Variants in THRB observed in about 807,000 individuals in gnomAD.
THRB encodes nuclear receptor subfamily 1 group A member 2.
Under a neutral mutation model 47.8 loss-of-function variants are expected in THRB, and 12 were observed. The observed-to-expected ratio is 0.25, with a 90% CI of 0.16 to 0.41. The LOEUF (loss-of-function observed/expected upper bound fraction) is 0.41, where lower values mean the gene tolerates loss of function less well. Ranked by LOEUF, THRB falls within the 10% of genes least tolerant of loss-of-function variation. The probability of loss-of-function intolerance (pLI) is 1.00; values close to 1 mark genes in which losing one functional copy is unlikely to be tolerated. For missense variants in THRB, 348 were observed against 589.2 expected (o/e 0.59, Z 4.24); for synonymous variants, 218 against 212.2 (o/e 1.03, Z -0.24).
intron 1 of THRB, among the ~76,000 whole-genome samples, chr3:24,446,169 T>C (rs895200802): frequency 1.3e-5 from 2 of 152,232 alleles, no homozygotes; most frequent in African/African-American, 4.8e-5. Flanking sequence ...CTGGACACAC[T>C]GGTCATGACC....
At chr3:24,438,377 C>T in intron 1 of THRB, among the ~76,000 whole-genome samples, 1 of 152,102 alleles carries the variant, frequency 6.6e-6, no homozygotes, top group East Asian at 1.9e-4. Context: ...AAGAGATGGA[C>T]ACCAACTGAT....
chr3:24,494,401 C>G (rs948485112), intron 1 of THRB: 5 of 152,328 alleles, frequency 3.3e-5, no homozygotes, highest in Non-Finnish European at 7.3e-5. Context: ...CCACTGTCCA[C>G]TCCGTAGCTC....
chr3:24,251,670 A>G (rs1459305490), intron 3 of THRB, among the ~76,000 whole-genome samples: 1 of 151,984 alleles, frequency 6.6e-6, no homozygotes, highest in Non-Finnish European at 1.5e-5. Flanking sequence ...AAAAACTTAA[A>G]CACTGTCAAG....
intron 2 of THRB, among the ~76,000 whole-genome samples, chr3:24,323,942 C>T (rs1165844409): frequency 1.3e-5 from 2 of 152,150 alleles, no homozygotes; most frequent in African/African-American, 2.4e-5. Context: ...ATAAGCAGTA[C>T]TGTTATAAAC....
At chr3:24,262,651 C>G (rs962153688) in intron 3 of THRB, among the ~76,000 whole-genome samples, 1 of 152,170 alleles carries the variant, frequency 6.6e-6, no homozygotes, top group African/African-American at 2.4e-5. Context: ...TATACCAACA[C>G]CTTCTTTAAG....
intron 1 of THRB, among the ~76,000 whole-genome samples, chr3:24,381,793 C>G (rs78016148): frequency 0.047 from 7,082 of 152,014 alleles, 205 homozygotes; most frequent in Middle Eastern, 0.075. Flanking sequence ...TGCTACCCAA[C>G]CCACGAAGTT....
intron 1 of THRB, among the ~76,000 whole-genome samples, chr3:24,425,768 G>GA (rs1560155837): frequency 6.6e-6 from 1 of 151,932 alleles, no homozygotes; most frequent in East Asian, 1.9e-4. Context: ...GAAAGCCCAA[G>GA]TCCTGGCTCT....
At chr3:24,124,256 C>G (rs773316640) in intron 10 of THRB, among the ~76,000 whole-genome samples, 67 of 152,108 alleles carry the variant, frequency 4.4e-4, no homozygotes, top group Non-Finnish European at 5.7e-4. Context: ...TTTGGAATCC[C>G]CTATTTAGCA....
chr3:24,307,140 C>G (rs1022073415), intron 2 of THRB, among the ~76,000 whole-genome samples: 1 of 151,892 alleles, frequency 6.6e-6, no homozygotes, highest in African/African-American at 2.4e-5. Flanking sequence ...CTGATGTTGG[C>G]AAGCAAATTT....
chr3:24,455,654 C>T (rs947920321), intron 1 of THRB, among the ~76,000 whole-genome samples: 12 of 152,218 alleles, frequency 7.9e-5, no homozygotes, highest in Non-Finnish European at 1.5e-4. Flanking sequence ...CCTTGACTAC[C>T]GCCCCTTTCC....
At chr3:24,476,877 C>T (rs1231457159) in intron 1 of THRB, among the ~76,000 whole-genome samples, 1 of 152,120 alleles carries the variant, frequency 6.6e-6, no homozygotes, top group Non-Finnish European at 1.5e-5. Context: ...ACATCTCATT[C>T]AGGAATCTCA....
At chr3:24,242,557 A>G (rs180956958) in intron 3 of THRB, among the ~76,000 whole-genome samples, 1 of 152,242 alleles carries the variant, frequency 6.6e-6, no homozygotes, top group African/African-American at 2.4e-5. Flanking sequence ...GCTCACTTTG[A>G]GCCATTTGGC....
At chr3:24,445,733 TTTGA>T (rs2072007190) in intron 1 of THRB, among the ~76,000 whole-genome samples, 1 of 152,140 alleles carries the variant, frequency 6.6e-6, no homozygotes, top group South Asian at 2.1e-4. Flanking sequence ...GTCCATGCCC[TTTGA>T]TTGCCTCTCC....
chr3:24,171,045 C>T (rs1029783932), intron 5 of THRB, among the ~76,000 whole-genome samples: 2 of 152,032 alleles, frequency 1.3e-5, no homozygotes, highest in African/African-American at 4.8e-5. Flanking sequence ...TTACAAGTAA[C>T]CATCATCAGT....
At chr3:24,326,756 CTTTTT>C (rs1174687260) in intron 2 of THRB, among the ~76,000 whole-genome samples, 115 of 49,994 alleles carry the variant, frequency 2.3e-3, no homozygotes, top group African/African-American at 0.011. Context: ...CCAGTCTTGT[CTTTTT>C]TTTTTTTTTT....
At chr3:24,176,892 A>G (rs2041228574) in intron 5 of THRB, among the ~76,000 whole-genome samples, 2 of 152,310 alleles carry the variant, frequency 1.3e-5, no homozygotes, top group South Asian at 4.1e-4. Flanking sequence ...CTGTAAATAT[A>G]CTAACAATCA....
At chr3:24,474,808 C>T (rs576425952) in intron 1 of THRB, among the ~76,000 whole-genome samples, 1 of 152,258 alleles carries the variant, frequency 6.6e-6, no homozygotes, top group East Asian at 1.9e-4. Flanking sequence ...ACATAATTTA[C>T]AGATGGGCAG....
intron 5 of THRB, among the ~76,000 whole-genome samples, chr3:24,160,170 A>G (rs1377147378): frequency 6.6e-6 from 1 of 152,168 alleles, no homozygotes; most frequent in Admixed American, 6.5e-5. Flanking sequence ...ATACTGGTTC[A>G]GGGATGGAGA....
intron 9 of THRB, among the ~76,000 whole-genome samples, chr3:24,129,421 T>C (rs1285739532): frequency 6.6e-6 from 1 of 152,256 alleles, no homozygotes; most frequent in Non-Finnish European, 1.5e-5. Flanking sequence ...TCACAAAGTA[T>C]GCAAACTGGG....
Sources: gnomAD v4.1 joint callset for allele counts (sites outside exome capture counted in the v4.1 genomes callset) on GRCh38, gnomAD v4.1.1 for gene constraint, MANE v1.5 for transcripts, NCBI Gene and HGNC (gene_info 2026-07-23, HGNC 2026-07-21) for gene names.